Variants in PDE11A observed in about 807,000 individuals in gnomAD.
The protein encoded by PDE11A is dual 3',5'-cyclic-AMP and -GMP phosphodiesterase 11A.
In PDE11A, 100 loss-of-function variants were observed where a neutral mutation model predicts 100.5. The ratio of observed to expected loss-of-function variants is 1.00; its 90% CI spans 0.85 to 1.18. PDE11A has a LOEUF of 1.18. Among genes scored for constraint, PDE11A ranks in the 50% most tolerant of loss-of-function variants. PDE11A has a pLI of 0.00. For synonymous variants in PDE11A, 381 were observed against 420.8 expected (o/e 0.91, Z 1.16); for missense variants, 1,141 against 1,152.6 (o/e 0.99, Z 0.15).
intron 10 of PDE11A, among the ~76,000 whole-genome samples, chr2:177,766,759 A>G (rs1317243345): frequency 1.3e-5 from 2 of 152,210 alleles, no homozygotes; most frequent in Non-Finnish European, 2.9e-5. Context: ...TTTACTGTCT[A>G]TATCAAGAAA....
At chr2:178,084,003 G>A (rs934572958) in intron 2 of PDE11A, among the ~76,000 whole-genome samples, 1 of 152,074 alleles carries the variant, frequency 6.6e-6, no homozygotes, top group East Asian at 1.9e-4. Context: ...ATATAGATAC[G>A]TTCATATATA....
At chr2:177,944,249 G>A (rs1166276969) in intron 2 of PDE11A, among the ~76,000 whole-genome samples, 1 of 152,180 alleles carries the variant, frequency 6.6e-6, no homozygotes, top group Non-Finnish European at 1.5e-5. Flanking sequence ...GAGACAAGAG[G>A]AAAGGTATTT....
chr2:177,988,949 T>A (rs898930229), intron 2 of PDE11A, among the ~76,000 whole-genome samples: 1 of 152,226 alleles, frequency 6.6e-6, no homozygotes, highest in Non-Finnish European at 1.5e-5. Context: ...CATCAAGATA[T>A]GTGTGTTATC....
intron 19 of PDE11A, among the ~76,000 whole-genome samples, chr2:177,631,651 G>A (rs747554087): frequency 7.3e-6 from 1 of 137,530 alleles, no homozygotes; most frequent in Non-Finnish European, 1.5e-5. Flanking sequence ...ATATATATGT[G>A]TGTGTATATA....
At chr2:177,800,085 A>G (rs1305431323) in intron 9 of PDE11A, among the ~76,000 whole-genome samples, 1 of 152,170 alleles carries the variant, frequency 6.6e-6, no homozygotes, top group Non-Finnish European at 1.5e-5. Flanking sequence ...CACAGGTAAA[A>G]AAGTAGCACA....
intron 4 of PDE11A, among the ~76,000 whole-genome samples, chr2:177,897,529 G>T (rs1427781648): frequency 6.6e-6 from 1 of 152,194 alleles, no homozygotes; most frequent in South Asian, 2.1e-4. Flanking sequence ...CAAATCTGCT[G>T]CAGGGAAGGG....
intron 15 of PDE11A, 148 bp from the exon 16 acceptor site, chr2:177,681,051 C>T (rs1020710650): frequency 1.6e-6 from 1 of 620,142 alleles, no homozygotes; most frequent in African/African-American, 1.9e-5. Flanking sequence ...GGCTAAAGCA[C>T]TATCAAAATA....
chr2:177,944,912 G>A lies in PDE11A; in HGVS notation c.1072-39725C>T, dbSNP rs1017503896. Reference sequence around the variant, plus strand: ...GCTGGACTGTACTGCTGCCATCTTGGCTCACTGCAACCTCCCTGCCTGATT... The same window carrying A: ...GCTGGACTGTACTGCTGCCATCTTGACTCACTGCAACCTCCCTGCCTGATT... On this transcript the variant is annotated intron_variant, in intron 2 of 19. Coordinates refer to ENST00000286063, the MANE Select transcript of PDE11A (RefSeq NM_016953.4). 4.6e-4 allele frequency among the ~76,000 whole-genome samples: 69 copies of A among 148,748 alleles called. 1 individual carries two copies. The highest frequency in any genetic ancestry group is 1.5e-3 in the African/African-American group (62 of 40,980).
intron 2 of PDE11A, among the ~76,000 whole-genome samples, chr2:177,955,423 T>A (rs1248947758): frequency 1.3e-5 from 2 of 152,002 alleles, no homozygotes; most frequent in Non-Finnish European, 1.5e-5. Flanking sequence ...TGGTCATGAG[T>A]GATAAAAGAT....
chr2:177,663,025 G>C (rs73977699), intron 19 of PDE11A, among the ~76,000 whole-genome samples: 5,396 of 152,276 alleles, frequency 0.035, 314 homozygotes, highest in African/African-American at 0.12. Context: ...TCACTTTGAA[G>C]TTAGGAAAGC....
At chr2:177,785,810 G>T (rs878972521) in intron 9 of PDE11A, among the ~76,000 whole-genome samples, 12 of 152,204 alleles carry the variant, frequency 7.9e-5, no homozygotes, top group Non-Finnish European at 1.6e-4. Context: ...AGATCAAACT[G>T]CAAGGCGGCA....
chr2:177,632,175 T>C (rs972882421), intron 19 of PDE11A, among the ~76,000 whole-genome samples: 1 of 151,902 alleles, frequency 6.6e-6, no homozygotes. Context: ...TCTTAAAGAG[T>C]CAAGAAGAAA....
intron 2 of PDE11A, among the ~76,000 whole-genome samples, chr2:177,972,401 C>T (rs920111672): frequency 6.6e-6 from 1 of 152,144 alleles, no homozygotes; most frequent in African/African-American, 2.4e-5. Context: ...AATACTCAAC[C>T]TCAGTGAAGC....
chr2:177,928,598 G>A (rs888678490), intron 2 of PDE11A, among the ~76,000 whole-genome samples: 3 of 152,186 alleles, frequency 2.0e-5, no homozygotes, highest in Non-Finnish European at 2.9e-5. Context: ...GACTGAAACT[G>A]AAGAATTAAC....
chr2:178,029,498 G>A (rs551895995), intron 1 of PDE11A, among the ~76,000 whole-genome samples: 7 of 151,844 alleles, frequency 4.6e-5, no homozygotes, highest in African/African-American at 1.4e-4. Context: ...TATCAAAACC[G>A]TGGTCCACAG....
intron 5 of PDE11A, among the ~76,000 whole-genome samples, chr2:177,858,769 A>T (rs62183368): frequency 0.33 from 50,418 of 151,434 alleles, 9,991 homozygotes; most frequent in East Asian, 0.53. Flanking sequence ...GGATTATAAA[A>T]CATGCTGCTA....
At chr2:177,916,828 C>G (rs1259465786) in intron 2 of PDE11A, among the ~76,000 whole-genome samples, 1 of 151,770 alleles carries the variant, frequency 6.6e-6, no homozygotes, top group Non-Finnish European at 1.5e-5. Flanking sequence ...GGCACAATCT[C>G]AGCTCACTGC....
chr2:177,878,469 C>T (rs906859125), intron 4 of PDE11A, among the ~76,000 whole-genome samples: 11 of 152,082 alleles, frequency 7.2e-5, no homozygotes, highest in African/African-American at 2.7e-4. Context: ...TTGGAGCCCT[C>T]GGTCACCATG....
At chr2:177,736,493 C>T (rs976775713) in intron 10 of PDE11A, among the ~76,000 whole-genome samples, 2 of 147,734 alleles carry the variant, frequency 1.4e-5, no homozygotes, top group Non-Finnish European at 3.0e-5. Context: ...GCAGGGGTGA[C>T]AGAGTGAGAC....
Sources: gnomAD v4.1 joint callset for allele counts (sites outside exome capture counted in the v4.1 genomes callset) on GRCh38, gnomAD v4.1.1 for gene constraint, MANE v1.5 for transcripts, NCBI Gene and HGNC (gene_info 2026-07-23, HGNC 2026-07-21) for gene names.